STAT1: variants seen among roughly 807,000 people sequenced by gnomAD.
STAT1 encodes the protein signal transducer and activator of transcription 1-alpha/beta.
A neutral mutation model predicts 111.7 loss-of-function variants in STAT1; 24 were observed. The ratio of observed to expected loss-of-function variants is 0.21; its 90% CI spans 0.16 to 0.30. The LOEUF is 0.30. Ranked by LOEUF, STAT1 falls within the 10% of genes least tolerant of loss-of-function variation. STAT1 has a pLI of 1.00. For missense variants in STAT1, 351 were observed against 911.9 expected (o/e 0.38, Z 7.92); for synonymous variants, 332 against 326.5 (o/e 1.02, Z -0.18).
chr2:191,011,195 C>A (rs1325928287), intron 2 of STAT1, among the ~76,000 whole-genome samples: 1 of 152,168 alleles, frequency 6.6e-6, no homozygotes, highest in Non-Finnish European at 1.5e-5. Flanking sequence ...CCAGTAGAAA[C>A]GGACCCAAGC....
In STAT1 at chr2:190,970,064, T is replaced by C. The variant is rs1031282966; in HGVS notation, c.*639A>G. ...AACAAACAGTAAAGCTAATATTCTCTTCTCAAGAAACAGAATTTGTCTTTG... is the reference window on the plus strand; with the variant it reads ...AACAAACAGTAAAGCTAATATTCTCCTCTCAAGAAACAGAATTTGTCTTTG... On this transcript the variant is annotated 3_prime_UTR_variant, in exon 25 of 25. Coordinates refer to ENST00000361099, the MANE Select transcript of STAT1 (RefSeq NM_007315.4). The surrounding 1 kb of genome is among the most constrained non-coding windows in gnomAD (Gnocchi z 5.4). The C allele has an allele frequency of 5.0e-5, 8 of 159,208 alleles. No individual in the cohort carries two copies. The highest frequency in any genetic ancestry group is 1.9e-4 in the African/African-American group (8 of 41,488). 9.9% of individuals were successfully genotyped at this position (159,208 alleles called of 1,614,324 possible).
rs1363771545 is a variant in STAT1 at position 190,997,194 on chromosome 2, C to G, written c.785+662G>C. On this transcript the variant is annotated intron_variant, in intron 9 of 24. Coordinates refer to ENST00000361099, the MANE Select transcript of STAT1 (RefSeq NM_007315.4). The surrounding 1 kb of genome is among the most constrained non-coding windows in gnomAD (Gnocchi z 7.3). Reference sequence around the variant, plus strand: ...TGCTCTGTGCTGGAAAGCACTTCCCCTTGATCTACGTGGAGTAATCCTAGT... The same window carrying G: ...TGCTCTGTGCTGGAAAGCACTTCCCGTTGATCTACGTGGAGTAATCCTAGT... 6.6e-6 allele frequency among the ~76,000 whole-genome samples: 1 copy of G among 152,252 alleles called. No individual in the cohort carries two copies. The highest frequency in any genetic ancestry group is 1.5e-5 in the Non-Finnish European group (1 of 68,038).
In STAT1 at chr2:190,993,373, C is replaced by T; in HGVS notation, c.944+1688G>A. On this transcript the variant is annotated intron_variant, in intron 10 of 24. Transcript: ENST00000361099. The surrounding 1 kb of genome is among the most constrained non-coding windows in gnomAD (Gnocchi z 4.1). Reference sequence around the variant, plus strand: ...GAAACCTTTCCTGTTCTGCTGTGTTCCATATTTGAAGCTTGATTGTTTTCC... The same window carrying T: ...GAAACCTTTCCTGTTCTGCTGTGTTTCATATTTGAAGCTTGATTGTTTTCC... 2.5e-6 allele frequency: 3 copies of T among 1,219,414 alleles called. No homozygotes were observed. Among genetic ancestry groups the T allele is most frequent in the Non-Finnish European group, 3.6e-6 (3 of 843,762 alleles). The allele number at this position is 1,219,414 out of a possible 1,614,324, so 75.5% of individuals were successfully genotyped here.
chr2:190,992,840 A>G (rs1463622161), intron 10 of STAT1: 2 of 329,166 alleles, frequency 6.1e-6, no homozygotes, highest in East Asian at 6.0e-5. Context: ...CCTAGGCTGG[A>G]GAGCAATGGC....
intron 10 of STAT1, among the ~76,000 whole-genome samples, chr2:190,992,267 T>C (rs951694720): frequency 2.6e-5 from 4 of 152,210 alleles, no homozygotes; most frequent in Non-Finnish European, 5.9e-5. Flanking sequence ...ACACTGCTTG[T>C]GCTGTTTGAT....
In STAT1 at chr2:190,999,600, G is replaced by A. The variant is rs971034080; in HGVS notation, c.541+26C>T. On this transcript the variant is annotated intron_variant, in intron 7 of 24. Coordinates refer to ENST00000361099, the MANE Select transcript of STAT1 (RefSeq NM_007315.4). This position sits in a 1 kb window ranked among gnomAD's most constrained non-coding sequence, Gnocchi z 4.1. ...GAACAGAAAAAATTGCAGCCAACGG[G>A]CACCACTTCAGTTGTGAACCCTTAC... 6.4e-7 allele frequency: 1 copy of A among 1,565,020 alleles called. No individual in the cohort carries two copies. Among genetic ancestry groups the A allele is most frequent in the Non-Finnish European group, 8.8e-7 (1 of 1,135,514 alleles).
Position 190,971,609 on chromosome 2 carries a change from G to A in STAT1, c.2239-892C>T, listed in dbSNP as rs1691471001. Among the ~76,000 whole-genome samples the A allele has an allele frequency of 6.6e-6, 1 of 152,142 alleles. No individual in the cohort carries two copies. The highest frequency in any genetic ancestry group is 6.5e-5 in the Admixed American group (1 of 15,276). ...AATCCCAAGTGCTCAATAGTGTGTG[G>A]TACATAGTGGGCTCTTAGGAAAATT... On this transcript the variant is annotated intron_variant, in intron 24 of 24. Coordinates refer to ENST00000361099, the MANE Select transcript of STAT1 (RefSeq NM_007315.4). The surrounding 1 kb of genome is among the most constrained non-coding windows in gnomAD (Gnocchi z 4.1).
chr2:190,992,480 A>C (rs561106347), intron 10 of STAT1, among the ~76,000 whole-genome samples: 66 of 152,348 alleles, frequency 4.3e-4, no homozygotes, highest in African/African-American at 1.6e-3. Flanking sequence ...AGAATAAAAA[A>C]AAAAAGTCAG....
rs771111324 is a variant in STAT1 at position 190,980,605 on chromosome 2, C to G, written c.1632+15G>C. ...AAAAAGGACTTAGAGAGCATAAAAC[C>G]CAGACAGTCCTCACCTTACAAAACC... On this transcript the variant is annotated intron_variant, in intron 19 of 24. Transcript: ENST00000361099. The surrounding 1 kb of genome is among the most constrained non-coding windows in gnomAD (Gnocchi z 6.1). 1 of 1,614,006 alleles carries G rather than the reference C, an allele frequency of 6.2e-7. No individual in the cohort carries two copies. Among genetic ancestry groups the G allele is most frequent in the Non-Finnish European group, 8.5e-7 (1 of 1,179,882 alleles).
rs749230568 is a variant in STAT1, at chr2:190,982,456, A to G, written c.1509T>C (p.Ser503=). 2.0e-5 allele frequency: 33 copies of G among 1,614,098 alleles called. No individual in the cohort carries two copies. Among genetic ancestry groups the G allele is most frequent in the Non-Finnish European group, 2.7e-5 (32 of 1,180,042 alleles). The part of the protein sequence containing the change: ...ARWAQLSEVL[S]WQFSSVTKRG... ...TTTTGGTGACAGAAGAAAACTGCCA[A>G]CTCAGCACTTCTGAAAGCTGAGCCC... Residue 503 remains serine, a synonymous_variant, in exon 18 of 25, where the codon AGT becomes AGC. Coordinates refer to ENST00000361099, the MANE Select transcript of STAT1 (RefSeq NM_007315.4). The surrounding 1 kb of genome is among the most constrained non-coding windows in gnomAD (Gnocchi z 7.3).
chr2:190,984,786 C>T lies in STAT1; in HGVS notation c.1264-393G>A, dbSNP rs569599716. Among the ~76,000 whole-genome samples, 12 of 152,286 alleles carry T rather than the reference C, an allele frequency of 7.9e-5. No homozygotes were observed. The highest frequency in any genetic ancestry group is 7.8e-4 in the Admixed American group (12 of 15,304). On this transcript the variant is annotated intron_variant, in intron 15 of 24. Coordinates refer to ENST00000361099, the MANE Select transcript of STAT1 (RefSeq NM_007315.4). This position sits in a 1 kb window ranked among gnomAD's most constrained non-coding sequence, Gnocchi z 5.2. The stretch of plus-strand genomic sequence containing the variant: ...ATACTTGTGATTGTCTACTGCCTAC[C>T]GGAAGGGCTGACTCACATCAACTTG...
intron 10 of STAT1, chr2:190,992,985 T>A (rs1454591475): frequency 1.6e-5 from 4 of 255,768 alleles, no homozygotes; most frequent in Non-Finnish European, 3.0e-5. Context: ...GGATGGGGTT[T>A]CATCATGTTG....
rs991275395 is a variant in STAT1 at position 190,976,252 on chromosome 2, G to A, written c.2060-365C>T. Among the ~76,000 whole-genome samples the A allele has an allele frequency of 6.6e-6, 1 of 152,172 alleles. No homozygotes were observed. Among genetic ancestry groups the A allele is most frequent in the African/African-American group, 2.4e-5 (1 of 41,434 alleles). On this transcript the variant is annotated intron_variant, in intron 22 of 24. Coordinates refer to ENST00000361099, the MANE Select transcript of STAT1 (RefSeq NM_007315.4). The surrounding 1 kb of genome is among the most constrained non-coding windows in gnomAD (Gnocchi z 6.0). ...TATTCACAGCTGTCAAGGTAAGCTGGGGACATCTTCATTCCAAAGTAATTG... is the reference window on the plus strand; with the variant it reads ...TATTCACAGCTGTCAAGGTAAGCTGAGGACATCTTCATTCCAAAGTAATTG...
rs1172416424 is a variant in STAT1, at chr2:191,006,228, T to C, written c.372+1335A>G. ...GCCCCATATAATCAAAACTGCCGGC[T>C]GAAAATCTCCCAGGTATATGCCAGG... On this transcript the variant is annotated intron_variant, in intron 5 of 24. Coordinates refer to ENST00000361099, the MANE Select transcript of STAT1 (RefSeq NM_007315.4). This position sits in a 1 kb window ranked among gnomAD's most constrained non-coding sequence, Gnocchi z 4.6. 6.6e-6 allele frequency among the ~76,000 whole-genome samples: 1 copy of C among 152,180 alleles called. No homozygotes were observed. Among genetic ancestry groups the C allele is most frequent in the African/African-American group, 2.4e-5 (1 of 41,434 alleles).
chr2:190,999,556 C>T lies in STAT1; in HGVS notation c.541+70G>A, dbSNP rs1008289982. The T allele has an allele frequency of 9.0e-5, 94 of 1,045,970 alleles. No homozygotes were observed. The highest frequency in any genetic ancestry group is 1.3e-4 in the Non-Finnish European group (85 of 664,254). 64.8% of individuals were successfully genotyped at this position (1,045,970 alleles called of 1,614,324 possible). On this transcript the variant is annotated intron_variant, in intron 7 of 24. Transcript: ENST00000361099. The surrounding 1 kb of genome is among the most constrained non-coding windows in gnomAD (Gnocchi z 4.1). ...TACTCGGCAAATAGAAAGGAGTAAT[C>T]ATCTTCGTTATCTAGTGTGAACAGA...
In STAT1 at chr2:191,000,922, G is replaced by A. The variant is rs1433161336; in HGVS notation, c.462+152C>T. ...ATCTGGTCATTGATTTTGCCAATTT[G>A]TTTACTTATAGCTTGAGACTTCTGC... On this transcript the variant is annotated intron_variant, in intron 6 of 24. Coordinates refer to ENST00000361099, the MANE Select transcript of STAT1 (RefSeq NM_007315.4). This position sits in a 1 kb window ranked among gnomAD's most constrained non-coding sequence, Gnocchi z 4.8. 4 of 666,026 alleles carry A rather than the reference G, an allele frequency of 6.0e-6. No homozygotes were observed. The highest frequency in any genetic ancestry group is 5.5e-6 in the Non-Finnish European group (2 of 366,044). 41.3% of individuals were successfully genotyped at this position (666,026 alleles called of 1,614,324 possible).
At chr2:190,994,155 AG>A (rs1417734092) in intron 10 of STAT1, among the ~76,000 whole-genome samples, 1 of 152,230 alleles carries the variant, frequency 6.6e-6, no homozygotes, top group Non-Finnish European at 1.5e-5. Flanking sequence ...TCTGAGGAAG[AG>A]GAAGTATCCT....
chr2:191,007,524 A>AT lies in STAT1; in HGVS notation c.372+38dup, dbSNP rs749179059. The stretch of plus-strand genomic sequence containing the variant: ...GTATTTGATGAATGAATACATTTTT[A>AT]TTTTATTACAGTTTATGTGTTCAAT... On this transcript the variant is annotated intron_variant, in intron 5 of 24. Coordinates refer to ENST00000361099, the MANE Select transcript of STAT1 (RefSeq NM_007315.4). The surrounding 1 kb of genome is among the most constrained non-coding windows in gnomAD (Gnocchi z 4.2). The AT allele has an allele frequency of 6.9e-7, 1 of 1,444,118 alleles. No homozygotes were observed. The highest frequency in any genetic ancestry group is 1.1e-5 in the South Asian group (1 of 87,300). The allele number at this position is 1,444,118 out of a possible 1,614,324, so 89.5% of individuals were successfully genotyped here.
At chr2:190,992,241 G>T (rs554073826) in intron 10 of STAT1, among the ~76,000 whole-genome samples, 1 of 152,210 alleles carries the variant, frequency 6.6e-6, no homozygotes, top group Non-Finnish European at 1.5e-5. Context: ...TAAACTTTAC[G>T]CATGGAAAGT....
Sources: allele counts gnomAD v4.1 joint callset (sites outside exome capture counted in the v4.1 genomes callset), GRCh38; gene constraint gnomAD v4.1.1; non-coding constraint Gnocchi (gnomAD v3.1); transcripts MANE v1.5; gene names NCBI Gene and HGNC (gene_info 2026-07-23, HGNC 2026-07-21).